The following EIF4E3 variants were observed in gnomAD, a reference collection of about 807,000 sequenced individuals.
EIF4E3 encodes eukaryotic translation initiation factor 4E family member 3, also known as eukaryotic translation initiation factor 4E type 3.
Under a neutral mutation model 31.7 loss-of-function variants are expected in EIF4E3, and 26 were observed. That is an observed-to-expected ratio of 0.82 (90% CI 0.60 to 1.14). EIF4E3 has a LOEUF of 1.14. EIF4E3 is among the 50% of genes most tolerant of loss of function. The pLI is 0.00. For missense variants in EIF4E3, 304 were observed against 270.9 expected, an observed-to-expected ratio of 1.12 and a Z score of -0.86; for synonymous variants, 128 against 107.7, an observed-to-expected ratio of 1.19 and a Z score of -1.17.
In EIF4E3 at chr3:71,684,369, G is replaced by A; in HGVS notation, c.*313C>T. ...AGGGGAGTGTAGAAAACAATAATTAGGCTGAATAAGGAATTTTAAACGGCA... is the reference window on the plus strand; with the variant it reads ...AGGGGAGTGTAGAAAACAATAATTAAGCTGAATAAGGAATTTTAAACGGCA... On this transcript the variant is annotated 3_prime_UTR_variant, in exon 7 of 7. Transcript: ENST00000425534. The A allele has an allele frequency of 3.6e-6, 1 of 274,748 alleles. No individual in the cohort carries two copies. The highest frequency in any genetic ancestry group is 6.9e-6 in the Non-Finnish European group (1 of 145,562). The allele number at this position is 274,748 out of a possible 1,614,324, so 17.0% of individuals were successfully genotyped here.
chr3:71,754,024 G>C, upstream of EIF4E3: 1 of 1,144,872 alleles, frequency 8.7e-7, no homozygotes, highest in Non-Finnish European at 1.1e-6. The surrounding 1 kb of genome is among the most constrained non-coding windows in gnomAD (Gnocchi z 5.8). Context: ...GCCCCGGGGC[G>C]GAGCGCACGG....
chr3:71,753,959 G>T (rs1171576936), upstream of EIF4E3: 3 of 1,026,534 alleles, frequency 2.9e-6, no homozygotes, highest in Non-Finnish European at 3.5e-6. Context: ...CCCAGGGCCG[G>T]CGGAGCGGCG....
intron 1 of EIF4E3, among the ~76,000 whole-genome samples, chr3:71,722,095 G>GC (rs201189350): frequency 6.6e-6 from 1 of 151,848 alleles, no homozygotes; most frequent in Non-Finnish European, 1.5e-5. Context: ...CTTTTCCTCG[G>GC]GGGGGCGGGG....
At position 71,699,727 on chromosome 3, in the gene EIF4E3, C is replaced by T. The variant is rs538946788; in HGVS notation, c.250-19G>A. On this transcript the variant is annotated intron_variant, in intron 2 of 6. Transcript: ENST00000425534. ...AAAATATCTTTAAAAGAAAAACAAACACTTTGTTTAATATACCCAGTATTG... is the reference window on the plus strand; with the variant it reads ...AAAATATCTTTAAAAGAAAAACAAATACTTTGTTTAATATACCCAGTATTG... The T allele has an allele frequency of 1.5e-4, 243 of 1,580,574 alleles. 2 individuals are homozygous for T. In the East Asian group the frequency reaches 5.3e-3, roughly 35 times the overall value.
intron 1 of EIF4E3, among the ~76,000 whole-genome samples, chr3:71,724,927 G>A (rs1470867575): frequency 1.3e-5 from 2 of 152,164 alleles, no homozygotes; most frequent in Non-Finnish European, 2.9e-5. Flanking sequence ...GGGAACAAGG[G>A]GTAGAAAGTG....
chr3:71,733,419 T>C (rs1198042870), intron 1 of EIF4E3, among the ~76,000 whole-genome samples: 1 of 152,242 alleles, frequency 6.6e-6, no homozygotes, highest in East Asian at 1.9e-4. Flanking sequence ...TAGGGGAACA[T>C]TTTGTAAGCC....
rs1406376123 is a variant in EIF4E3, at chr3:71,677,738, G to T, written c.*6944C>A. The stretch of plus-strand genomic sequence containing the variant: ...AGATAGGAAAGTCTGCAGATGAATG[G>T]AAGAAGAGTTTGTTGGTACGTTTTG... On this transcript the variant is annotated 3_prime_UTR_variant, in exon 7 of 7. Coordinates refer to ENST00000425534, the MANE Select transcript of EIF4E3 (RefSeq NM_001134651.2). 6.6e-6 allele frequency: 1 copy of T among 152,160 alleles called. No individual in the cohort carries two copies. Among genetic ancestry groups the T allele is most frequent in the Non-Finnish European group, 1.5e-5 (1 of 68,026 alleles). 9.4% of individuals were successfully genotyped at this position (152,160 alleles called of 1,614,324 possible).
intron 1 of EIF4E3, among the ~76,000 whole-genome samples, chr3:71,745,089 A>G (rs1222077161): frequency 6.6e-6 from 1 of 152,256 alleles, no homozygotes; most frequent in Non-Finnish European, 1.5e-5. Flanking sequence ...AATCGAACCC[A>G]AGTCATACTT....
intron 1 of EIF4E3, among the ~76,000 whole-genome samples, chr3:71,718,465 G>A (rs757848247): frequency 6.6e-6 from 1 of 152,172 alleles, no homozygotes; most frequent in African/African-American, 2.4e-5. Flanking sequence ...CTCTTTAACA[G>A]TAGCAACTGG....
upstream of EIF4E3, chr3:71,725,478 G>GC (rs2049624219): frequency 8.5e-6 from 5 of 591,274 alleles, no homozygotes; most frequent in Non-Finnish European, 1.0e-5. The surrounding 1 kb of genome is among the most constrained non-coding windows in gnomAD (Gnocchi z 6.1). Context: ...CCCCGCCCCG[G>GC]GCTAGCCGCC....
In EIF4E3 at chr3:71,711,164, T is replaced by C. The variant is rs568904531; in HGVS notation, c.177-680A>G. On this transcript the variant is annotated intron_variant, in intron 1 of 6. Transcript: ENST00000425534. Reference sequence around the variant, plus strand: ...GTCACCAGAAACACTGCAATTTAACTGGTTTTACCAAGGACCATTGCCTGG... The same window carrying C: ...GTCACCAGAAACACTGCAATTTAACCGGTTTTACCAAGGACCATTGCCTGG... Among the ~76,000 whole-genome samples the C allele has an allele frequency of 2.6e-5, 4 of 152,352 alleles. No individual in the cohort carries two copies. In the South Asian group the frequency reaches 6.2e-4, roughly 24 times the overall value.
chr3:71,688,100 G>A (rs750706309), intron 6 of EIF4E3, among the ~76,000 whole-genome samples: 5 of 151,880 alleles, frequency 3.3e-5, no homozygotes, highest in Non-Finnish European at 5.9e-5. Context: ...AATTTCTGCT[G>A]AGACCCTTCC....
intron 4 of EIF4E3, 116 bp from the exon 5 acceptor site, chr3:71,694,057 C>G (rs921309593): frequency 1.5e-5 from 15 of 1,017,442 alleles, no homozygotes; most frequent in Non-Finnish European, 1.8e-5. Context: ...CTTTCTGTGC[C>G]CATACTTGGA....
intron 1 of EIF4E3, among the ~76,000 whole-genome samples, chr3:71,736,394 A>G (rs1195395495): frequency 6.6e-6 from 1 of 152,252 alleles, no homozygotes; most frequent in East Asian, 1.9e-4. Context: ...ATAACTTGAA[A>G]GGAGACAAGA....
downstream of EIF4E3, among the ~76,000 whole-genome samples, chr3:71,673,933 A>T (rs1047236889): frequency 4.7e-5 from 6 of 127,112 alleles, no homozygotes; most frequent in East Asian, 1.1e-3. Flanking sequence ...ATATATATAA[A>T]AAACATAATA....
chr3:71,662,562 C>T, the EIF4E3 span, among the ~76,000 whole-genome samples: 8 of 152,182 alleles, frequency 5.3e-5, no homozygotes, highest in Admixed American at 3.3e-4. Flanking sequence ...TTCTATGTTT[C>T]GTTCCCTTGA....
At chr3:71,726,068 A>G (rs1446489665), upstream of EIF4E3, among the ~76,000 whole-genome samples, 1 of 152,162 alleles carries the variant, frequency 6.6e-6, no homozygotes, top group Non-Finnish European at 1.5e-5. Context: ...ATGAGGTTGG[A>G]GCAGGTGGGC....
At chr3:71,726,544 G>T (rs183362122), upstream of EIF4E3, among the ~76,000 whole-genome samples, 4 of 152,238 alleles carry the variant, frequency 2.6e-5, no homozygotes, top group African/African-American at 9.6e-5. Context: ...AGTGAAGGGC[G>T]TGGGATGCCA....
chr3:71,715,485 G>A (rs779719067), intron 1 of EIF4E3, among the ~76,000 whole-genome samples: 5 of 152,164 alleles, frequency 3.3e-5, no homozygotes, highest in South Asian at 2.1e-4. Flanking sequence ...TAATTCTCCC[G>A]GAAGGGAGGA....
Sources: gnomAD v4.1 joint callset for allele counts (sites outside exome capture counted in the v4.1 genomes callset) on GRCh38, gnomAD v4.1.1 for gene constraint, Gnocchi (gnomAD v3.1) non-coding constraint, MANE v1.5 for transcripts, NCBI Gene and HGNC (gene_info 2026-07-23, HGNC 2026-07-21) for gene names.